Variants in CSMD3 observed in about 807,000 individuals in gnomAD.
CSMD3 encodes CUB and Sushi multiple domains 3.
CSMD3 carries 177 observed loss-of-function variants against 435.2 expected under a neutral mutation model. The observed-to-expected ratio is 0.41, with a 90% confidence interval of 0.36 to 0.46. The LOEUF is 0.46. Ranked by LOEUF, CSMD3 falls within the 20% of genes least tolerant of loss-of-function variation. CSMD3 has a pLI of 0.34. For missense variants in CSMD3, 4,265 were observed against 4,504.6 expected (o/e 0.95, Z 1.52); for synonymous variants, 1,656 against 1,520.5 (o/e 1.09, Z -2.07).
chr8:113,386,159 A>G (rs2094438308), intron 1 of CSMD3, among the ~76,000 whole-genome samples: 1 of 152,036 alleles, frequency 6.6e-6, no homozygotes, highest in African/African-American at 2.4e-5. Flanking sequence ...GAAATGCAGG[A>G]GAAGATGTGC....
At chr8:112,825,380 G>C (rs989419637) in intron 12 of CSMD3, among the ~76,000 whole-genome samples, 1 of 152,012 alleles carries the variant, frequency 6.6e-6, no homozygotes, top group Non-Finnish European at 1.5e-5. Context: ...GGAAGACCAG[G>C]GACACTCTGG....
chr8:113,263,765 A>C (rs1030995898), intron 3 of CSMD3, among the ~76,000 whole-genome samples: 11 of 151,824 alleles, frequency 7.2e-5, no homozygotes, highest in Non-Finnish European at 1.6e-4. Context: ...CTGTGTAAGA[A>C]ATTTCTTTTT....
At chr8:112,703,536 A>G (rs533889106) in intron 13 of CSMD3, among the ~76,000 whole-genome samples, 16 of 152,174 alleles carry the variant, frequency 1.1e-4, no homozygotes, top group Non-Finnish European at 2.1e-4. Flanking sequence ...TTCCAGCCAA[A>G]TAATAACATC....
At chr8:113,104,112 C>A (rs1044573467) in intron 4 of CSMD3, among the ~76,000 whole-genome samples, 2 of 152,048 alleles carry the variant, frequency 1.3e-5, no homozygotes, top group African/African-American at 4.8e-5. Context: ...CTATGCTCTA[C>A]CTTGCTATTA....
At chr8:112,960,085 A>G (rs2084171396) in intron 7 of CSMD3, among the ~76,000 whole-genome samples, 1 of 151,798 alleles carries the variant, frequency 6.6e-6, no homozygotes, top group African/African-American at 2.4e-5. Context: ...TGTGTAGGGG[A>G]GTTATAAAAT....
At chr8:113,265,271 A>G (rs11986420) in intron 3 of CSMD3, among the ~76,000 whole-genome samples, 33,361 of 151,308 alleles carry the variant, frequency 0.22, 4,816 homozygotes, top group African/African-American at 0.41. Flanking sequence ...CCAATAAGTG[A>G]AGTGTGTGCA....
chr8:112,788,305 G>A (rs1170730495), intron 13 of CSMD3, among the ~76,000 whole-genome samples: 3 of 151,872 alleles, frequency 2.0e-5, no homozygotes, highest in Admixed American at 2.0e-4. Flanking sequence ...CCAAATCATG[G>A]CATGTTCTTT....
intron 1 of CSMD3, among the ~76,000 whole-genome samples, chr8:113,422,707 A>G (rs892595434): frequency 4.6e-5 from 7 of 152,074 alleles, no homozygotes; most frequent in Admixed American, 4.6e-4. Flanking sequence ...CAACAAAACC[A>G]CTGGAAAAGT....
At chr8:113,371,027 G>GT (rs1422001924) in intron 1 of CSMD3, among the ~76,000 whole-genome samples, 3 of 151,978 alleles carry the variant, frequency 2.0e-5, no homozygotes, top group African/African-American at 7.2e-5. Context: ...TTCGTTATAG[G>GT]TATGCGGAAC....
At chr8:112,641,385 A>G (rs979960454) in intron 20 of CSMD3, among the ~76,000 whole-genome samples, 1 of 152,206 alleles carries the variant, frequency 6.6e-6, no homozygotes, top group Non-Finnish European at 1.5e-5. Context: ...TATTTAGAAG[A>G]CTGTAAGTAA....
At chr8:113,223,608 A>C (rs1386234642) in intron 3 of CSMD3, among the ~76,000 whole-genome samples, 1 of 142,754 alleles carries the variant, frequency 7.0e-6, no homozygotes, top group Non-Finnish European at 1.5e-5. Flanking sequence ...ACAATTTTCA[A>C]CTTGTCAAGT....
chr8:112,550,365 T>C (rs1283422429), intron 27 of CSMD3, among the ~76,000 whole-genome samples: 1 of 152,030 alleles, frequency 6.6e-6, no homozygotes, highest in Non-Finnish European at 1.5e-5. Context: ...ACTTTTATAC[T>C]ATTTCCAGAT....
At chr8:112,888,703 T>C (rs1364609319) in intron 10 of CSMD3, among the ~76,000 whole-genome samples, 1 of 151,712 alleles carries the variant, frequency 6.6e-6, no homozygotes, top group Non-Finnish European at 1.5e-5. Flanking sequence ...AGGTTAAGAA[T>C]TGACTCATAA....
intron 13 of CSMD3, among the ~76,000 whole-genome samples, chr8:112,711,526 C>CT (rs934771580): frequency 1.1e-4 from 16 of 152,070 alleles, no homozygotes; most frequent in African/African-American, 3.9e-4. Context: ...GCTATTTTAT[C>CT]TTTTTTTATT....
intron 32 of CSMD3, among the ~76,000 whole-genome samples, chr8:112,471,550 ACTACATTT>A (rs1407211480): frequency 6.6e-6 from 1 of 152,166 alleles, no homozygotes; most frequent in Non-Finnish European, 1.5e-5. Context: ...AAGGTTTAGT[ACTACATTT>A]CTGATGACAG....
At chr8:112,747,713 C>T (rs2077465871) in intron 13 of CSMD3, among the ~76,000 whole-genome samples, 2 of 152,208 alleles carry the variant, frequency 1.3e-5, no homozygotes, top group South Asian at 2.1e-4. Flanking sequence ...CGGTGGCTCA[C>T]GCCTGTAATC....
chr8:112,952,327 C>A (rs2083847522), intron 8 of CSMD3, among the ~76,000 whole-genome samples: 1 of 151,560 alleles, frequency 6.6e-6, no homozygotes, highest in Non-Finnish European at 1.5e-5. Flanking sequence ...GTCCTCCATG[C>A]TTATACTGAC....
chr8:112,809,288 T>C lies in CSMD3; in HGVS notation c.1860-9014A>G, dbSNP rs200453275. On this transcript the variant is annotated intron_variant, in intron 12 of 70. Coordinates refer to ENST00000297405, the MANE Select transcript of CSMD3 (RefSeq NM_198123.2). ...AGGAGATTCGATTTATCTGAAAGTA[T>C]TCCAGAGGTAAGATTAGCTGATCCT... Among the ~76,000 whole-genome samples, 6 of 152,304 alleles carry C rather than the reference T, an allele frequency of 3.9e-5. No homozygotes were observed. In the East Asian group the frequency reaches 9.7e-4, roughly 25 times the overall value.
intron 3 of CSMD3, among the ~76,000 whole-genome samples, chr8:113,259,868 T>A (rs1009346015): frequency 6.6e-6 from 1 of 152,128 alleles, no homozygotes; most frequent in Non-Finnish European, 1.5e-5. Flanking sequence ...CCAAATCTTA[T>A]CTTCAATTGT....
Sources: gnomAD v4.1 joint callset for allele counts (sites outside exome capture counted in the v4.1 genomes callset) on GRCh38, gnomAD v4.1.1 for gene constraint, MANE v1.5 for transcripts, NCBI Gene and HGNC (gene_info 2026-07-23, HGNC 2026-07-21) for gene names.